Variants in GRM8 observed in about 807,000 individuals in gnomAD.
The protein encoded by GRM8 is metabotropic glutamate receptor 8.
Under a neutral mutation model 87.2 loss-of-function variants are expected in GRM8, and 47 were observed. The ratio of observed to expected loss-of-function variants is 0.54; its 90% CI spans 0.43 to 0.69. The LOEUF is 0.69. GRM8 is among the 30% of genes least tolerant of loss of function. The probability of loss-of-function intolerance (pLI) is 0.00; values close to 1 mark genes in which losing one functional copy is unlikely to be tolerated. For missense variants in GRM8, 1,019 were observed against 1,139.2 expected (o/e 0.89, Z 1.52); for synonymous variants, 396 against 404.5 (o/e 0.98, Z 0.25).
chr7:126,980,411 T>A (rs560872055), intron 3 of GRM8, among the ~76,000 whole-genome samples: 1 of 152,296 alleles, frequency 6.6e-6, no homozygotes, highest in East Asian at 1.9e-4. Context: ...AGTGGATCCA[T>A]CCCCACAGCA....
chr7:127,143,779 G>A (rs567937511), intron 2 of GRM8, among the ~76,000 whole-genome samples: 2 of 152,176 alleles, frequency 1.3e-5, no homozygotes, highest in African/African-American at 4.8e-5. Flanking sequence ...ACAGGCCTAT[G>A]CTTCCCCTTG....
intron 3 of GRM8, among the ~76,000 whole-genome samples, chr7:127,066,910 C>T (rs1486722130): frequency 1.3e-5 from 2 of 152,140 alleles, no homozygotes; most frequent in Non-Finnish European, 1.5e-5. Flanking sequence ...TTGTTCTTGG[C>T]TTATTTCACT....
chr7:126,822,743 C>T (rs1031361549), intron 6 of GRM8, among the ~76,000 whole-genome samples: 2 of 152,102 alleles, frequency 1.3e-5, no homozygotes, highest in African/African-American at 4.8e-5. Flanking sequence ...TCCTCAGTCC[C>T]CTTTCCTGGC....
At chr7:127,100,263 A>T (rs953261970) in intron 3 of GRM8, among the ~76,000 whole-genome samples, 1 of 152,190 alleles carries the variant, frequency 6.6e-6, no homozygotes, top group Non-Finnish European at 1.5e-5. Flanking sequence ...CCTACTGTGC[A>T]CGTTCAGCTA....
At chr7:126,663,620 T>G (rs1805449104) in intron 7 of GRM8, among the ~76,000 whole-genome samples, 1 of 152,120 alleles carries the variant, frequency 6.6e-6, no homozygotes. Flanking sequence ...TTCAACAAAC[T>G]AGGCATCAAA....
At chr7:126,929,516 C>A (rs1215405768) in intron 3 of GRM8, among the ~76,000 whole-genome samples, 1 of 152,162 alleles carries the variant, frequency 6.6e-6, no homozygotes, top group Non-Finnish European at 1.5e-5. Context: ...TCACTGCAAC[C>A]TCCACCTCCC....
intron 8 of GRM8, among the ~76,000 whole-genome samples, chr7:126,600,726 A>G (rs570065152): frequency 6.6e-6 from 1 of 152,310 alleles, no homozygotes; most frequent in Admixed American, 6.5e-5. Flanking sequence ...ATGTGTGAAT[A>G]ATATGACTCT....
rs185066007 is a variant in GRM8 at position 127,194,357 on chromosome 7, T to A, written c.510+48338A>T. ...AAGCTAATACACAGGTGAGAGTAAA[T>A]GTTAGCTATTATCATTATGAGTACT... On this transcript the variant is annotated intron_variant, in intron 2 of 10. Transcript: ENST00000339582. 1.5e-3 allele frequency among the ~76,000 whole-genome samples: 230 copies of A among 152,318 alleles called. 1 individual carries two copies. The highest frequency in any genetic ancestry group is 2.7e-3 in the Non-Finnish European group (186 of 68,028).
chr7:126,633,629 C>A (rs1172501150), intron 7 of GRM8, among the ~76,000 whole-genome samples: 1 of 152,000 alleles, frequency 6.6e-6, no homozygotes, highest in Non-Finnish European at 1.5e-5. Context: ...ATGTTGAAGA[C>A]CTTTAAATAG....
At position 126,600,800 on chromosome 7, in the gene GRM8, A is replaced by C. The variant is rs552293952; in HGVS notation, c.1494+8562T>G. On this transcript the variant is annotated intron_variant, in intron 8 of 10. Transcript: ENST00000339582. ...AAACAGAGATATAAGTAATGACCTC[A>C]AAATGACTTTTTGAAAGAATAAATT... is the stretch of plus-strand genomic sequence containing the variant. Among the ~76,000 whole-genome samples the C allele has an allele frequency of 9.2e-5, 14 of 152,316 alleles. No homozygotes were observed. The East Asian group carries it at 2.7e-3, about 29-fold the overall frequency.
intron 2 of GRM8, among the ~76,000 whole-genome samples, chr7:127,212,562 C>T (rs1418486207): frequency 2.0e-5 from 3 of 151,100 alleles, no homozygotes; most frequent in South Asian, 4.2e-4. Context: ...GGACTACAGG[C>T]GCCCGCCACT....
intron 9 of GRM8, among the ~76,000 whole-genome samples, chr7:126,475,956 A>G (rs770813933): frequency 3.3e-5 from 5 of 152,204 alleles, no homozygotes; most frequent in African/African-American, 4.8e-5. Context: ...TACATAAAAA[A>G]TAACTCAAAG....
At chr7:126,924,074 C>T (rs1422300871) in intron 3 of GRM8, among the ~76,000 whole-genome samples, 4 of 152,108 alleles carry the variant, frequency 2.6e-5, no homozygotes, top group Admixed American at 1.3e-4. Context: ...AATGGGCCAC[C>T]TACATCTAGA....
chr7:127,173,022 G>T (rs1048207026), intron 2 of GRM8, among the ~76,000 whole-genome samples: 1 of 152,112 alleles, frequency 6.6e-6, no homozygotes, highest in Non-Finnish European at 1.5e-5. Flanking sequence ...TAACTAACAT[G>T]CATTTATTCG....
chr7:126,893,094 T>C (rs957218244), intron 6 of GRM8, among the ~76,000 whole-genome samples: 3 of 152,116 alleles, frequency 2.0e-5, no homozygotes, highest in African/African-American at 7.2e-5. Flanking sequence ...TTCATTATTC[T>C]GTTACCTCAT....
At chr7:126,660,445 A>T (rs1291977457) in intron 7 of GRM8, among the ~76,000 whole-genome samples, 1 of 152,202 alleles carries the variant, frequency 6.6e-6, no homozygotes, top group Non-Finnish European at 1.5e-5. Flanking sequence ...AGAGACTATG[A>T]TACAAATAAA....
intron 7 of GRM8, among the ~76,000 whole-genome samples, chr7:126,666,874 A>C (rs1805831330): frequency 6.6e-6 from 1 of 152,198 alleles, no homozygotes; most frequent in African/African-American, 2.4e-5. Context: ...TTTGCTGTAC[A>C]TATTTGCATA....
At chr7:127,206,681 C>A (rs986625952) in intron 2 of GRM8, among the ~76,000 whole-genome samples, 3 of 152,188 alleles carry the variant, frequency 2.0e-5, no homozygotes, top group African/African-American at 7.2e-5. Context: ...CCACAGCAAT[C>A]TTCTCATCTG....
chr7:126,585,069 T>C (rs956195840), intron 8 of GRM8, among the ~76,000 whole-genome samples: 1 of 152,206 alleles, frequency 6.6e-6, no homozygotes, highest in African/African-American at 2.4e-5. Flanking sequence ...ACTGTGAGTA[T>C]AGCATCGCTT....
Sources: gnomAD v4.1 joint callset for allele counts (sites outside exome capture counted in the v4.1 genomes callset) on GRCh38, gnomAD v4.1.1 for gene constraint, MANE v1.5 for transcripts, NCBI Gene and HGNC (gene_info 2026-07-23, HGNC 2026-07-21) for gene names.